Variants in TRPM8 observed in about 807,000 individuals in gnomAD.
TRPM8 encodes TRPM8 cationic channel.
Under a neutral mutation model 133.7 loss-of-function variants are expected in TRPM8, and 110 were observed. The ratio of observed to expected loss-of-function variants is 0.82; its 90% CI spans 0.70 to 0.96. TRPM8 has a LOEUF of 0.96. TRPM8 is among the 40% of genes least tolerant of loss of function. The pLI is 0.00. For missense variants in TRPM8, 1,291 were observed against 1,379.5 expected (o/e 0.94, Z 1.02); for synonymous variants, 535 against 532.3 (o/e 1.01, Z -0.07).
chr2:233,961,818 CGG>C (rs1559530463), intron 12 of TRPM8, among the ~76,000 whole-genome samples: 1 of 145,706 alleles, frequency 6.9e-6, no homozygotes, highest in Non-Finnish European at 1.5e-5. Flanking sequence ...TTAGTAGACA[CGG>C]GGTTTCACCA....
At chr2:233,925,424 G>T (rs1691495803) in intron 1 of TRPM8, among the ~76,000 whole-genome samples, 1 of 152,174 alleles carries the variant, frequency 6.6e-6, no homozygotes, top group African/African-American at 2.4e-5. Context: ...GCATTGTGGG[G>T]CATCTCCCTG....
At chr2:233,968,530 T>G (rs1192933447) in intron 15 of TRPM8, among the ~76,000 whole-genome samples, 2 of 152,160 alleles carry the variant, frequency 1.3e-5, no homozygotes, top group Admixed American at 1.3e-4. Flanking sequence ...CTAGTCCTCA[T>G]GGGTCAAGCA....
rs201537843 is a variant in TRPM8, at chr2:233,970,458, G to C, written c.2355+32G>C. ...CTGCCATGACAGCAGGAACCCCCTC[G>C]CTTCCTCGGTGGGAGGCATCTTTCT... On this transcript the variant is annotated intron_variant, in intron 17 of 25. Transcript: ENST00000324695. 12 of 1,593,186 alleles carry C rather than the reference G, an allele frequency of 7.5e-6. No individual in the cohort carries two copies. The African/African-American group carries it at 1.2e-4, about 16-fold the overall frequency.
Position 233,942,625 on chromosome 2 carries a change from C to A in TRPM8, c.576C>A (p.Ile192=), listed in dbSNP as rs200164205. The part of the protein sequence containing the change: ...GGTHYGLMKY[I]GEVVRDNTIS... Reference sequence around the variant, plus strand: ...CCCATTATGGCCTGATGAAGTACATCGGGGAGGTGGTGAGAGATAACACCA... The same window carrying A: ...CCCATTATGGCCTGATGAAGTACATAGGGGAGGTGGTGAGAGATAACACCA... The change falls in exon 6 of 26, where the codon ATC becomes ATA. Residue 192 remains isoleucine, a synonymous_variant. Coordinates refer to ENST00000324695, the MANE Select transcript of TRPM8 (RefSeq NM_024080.5). The A allele has an allele frequency of 3.7e-6, 6 of 1,614,184 alleles. No homozygotes were observed. In the East Asian group the frequency reaches 1.3e-4, roughly 36 times the overall value.
intron 22 of TRPM8, among the ~76,000 whole-genome samples, chr2:233,996,780 T>C (rs1210700124): frequency 1.3e-5 from 2 of 152,154 alleles, no homozygotes; most frequent in Admixed American, 6.5e-5. Flanking sequence ...ATAATGTAAA[T>C]AGTATGTTGA....
At chr2:233,922,353 A>G (rs892543105) in intron 1 of TRPM8, among the ~76,000 whole-genome samples, 2 of 152,130 alleles carry the variant, frequency 1.3e-5, no homozygotes, top group African/African-American at 4.8e-5. Context: ...CATGATTTCT[A>G]GTGCCCCCTG....
At chr2:233,927,758 CT>C (rs1165252203) in intron 2 of TRPM8, among the ~76,000 whole-genome samples, 25 of 69,378 alleles carry the variant, frequency 3.6e-4, no homozygotes, top group African/African-American at 8.5e-4. Flanking sequence ...TTCTTTCTTT[CT>C]TTCTTTCTTT....
intron 17 of TRPM8, among the ~76,000 whole-genome samples, chr2:233,979,560 C>T (rs1691954754): frequency 6.6e-6 from 1 of 151,964 alleles, no homozygotes; most frequent in Non-Finnish European, 1.5e-5. Context: ...AGAAAGGATA[C>T]TCTCTGTTTA....
chr2:233,926,522 C>A lies in TRPM8; in HGVS notation c.-5-11C>A, dbSNP rs201479067. The A allele has an allele frequency of 5.4e-5, 87 of 1,606,040 alleles. No individual in the cohort carries two copies. The East Asian group carries it at 1.8e-3, about 34-fold the overall frequency. ...GTAACCCAAACTTATCCCCTCCAACCATCGTCACAGAAAAGATGTCCTTTC... is the reference window on the plus strand; with the variant it reads ...GTAACCCAAACTTATCCCCTCCAACAATCGTCACAGAAAAGATGTCCTTTC... On this transcript the variant is annotated splice_polypyrimidine_tract_variant and intron_variant, in intron 1 of 25. Coordinates refer to ENST00000324695, the MANE Select transcript of TRPM8 (RefSeq NM_024080.5).
intron 1 of TRPM8, among the ~76,000 whole-genome samples, chr2:233,924,294 C>A (rs187121259): frequency 6.6e-6 from 1 of 152,112 alleles, no homozygotes; most frequent in Non-Finnish European, 1.5e-5. Flanking sequence ...TTCTCCCTGG[C>A]GCATGACGCA....
intron 2 of TRPM8, chr2:233,929,718 G>A (rs1219637350): frequency 1.3e-5 from 2 of 152,234 alleles, no homozygotes; most frequent in Non-Finnish European, 2.9e-5. Context: ...GGGCAATTCT[G>A]CCTTTCTCCA....
chr2:233,997,588 T>G (rs1692442026), intron 22 of TRPM8, among the ~76,000 whole-genome samples: 2 of 152,172 alleles, frequency 1.3e-5, no homozygotes, highest in African/African-American at 2.4e-5. Context: ...GTGTGGGCAC[T>G]CAGGGGGTCC....
In TRPM8 at chr2:233,993,020, G is replaced by A. The variant is rs180978188; in HGVS notation, c.2940-3306G>A. Among the ~76,000 whole-genome samples the A allele has an allele frequency of 3.0e-3, 459 of 152,326 alleles. 3 individuals are homozygous for A. The highest frequency in any genetic ancestry group is 0.029 in the Admixed American group (440 of 15,302). Reference sequence around the variant, plus strand: ...AGAACCCTCATGTCTATTTGGCTGAGTCCTGGACTGACTTGAGAGAAAAAG... The same window carrying A: ...AGAACCCTCATGTCTATTTGGCTGAATCCTGGACTGACTTGAGAGAAAAAG... On this transcript the variant is annotated intron_variant, in intron 21 of 25. Coordinates refer to ENST00000324695, the MANE Select transcript of TRPM8 (RefSeq NM_024080.5).
chr2:233,966,038 C>T (rs142422213), intron 14 of TRPM8: 5,904 of 152,472 alleles, frequency 0.039, 129 homozygotes, highest in Admixed American at 0.055. Context: ...TTAGTAGAGA[C>T]GGGGTTTTGC....
intron 22 of TRPM8, among the ~76,000 whole-genome samples, chr2:233,999,825 G>A (rs563617673): frequency 6.6e-6 from 1 of 152,296 alleles, no homozygotes; most frequent in South Asian, 2.1e-4. Context: ...ATCTGCAGCT[G>A]CATTCACCCC....
At chr2:233,998,824 G>A (rs1692475842) in intron 22 of TRPM8, among the ~76,000 whole-genome samples, 1 of 152,108 alleles carries the variant, frequency 6.6e-6, no homozygotes, top group Non-Finnish European at 1.5e-5. Flanking sequence ...AGCAGCTTGT[G>A]CCCATTTGCC....
At chr2:233,954,669 A>G (rs1691248899) in intron 10 of TRPM8, among the ~76,000 whole-genome samples, 1 of 152,236 alleles carries the variant, frequency 6.6e-6, no homozygotes. Context: ...TACTTGCCAG[A>G]CATTTGGTTA....
chr2:233,993,396 T>C lies in TRPM8; in HGVS notation c.2940-2930T>C, dbSNP rs28902223. Reference sequence around the variant, plus strand: ...AGGGAATGATACAAACACAAAGCCTTATTCATGGGCACTGGCCTACGTGCA... The same window carrying C: ...AGGGAATGATACAAACACAAAGCCTCATTCATGGGCACTGGCCTACGTGCA... On this transcript the variant is annotated intron_variant, in intron 21 of 25. Transcript: ENST00000324695. Among the ~76,000 whole-genome samples the C allele has an allele frequency of 6.3e-3, 952 of 152,272 alleles. 11 individuals are homozygous for C. The highest frequency in any genetic ancestry group is 0.022 in the African/African-American group (901 of 41,560).
At chr2:233,920,707 C>T (rs1691389267) in intron 1 of TRPM8, among the ~76,000 whole-genome samples, 2 of 152,112 alleles carry the variant, frequency 1.3e-5, no homozygotes, top group South Asian at 4.1e-4. Flanking sequence ...TATAGCTTCA[C>T]AGGAAGTGGA....
Sources: gnomAD v4.1 joint callset for allele counts (sites outside exome capture counted in the v4.1 genomes callset) on GRCh38, gnomAD v4.1.1 for gene constraint, MANE v1.5 for transcripts, NCBI Gene and HGNC (gene_info 2026-07-23, HGNC 2026-07-21) for gene names.